DIAPH2: variants seen among roughly 807,000 people sequenced by gnomAD.
DIAPH2 encodes diaphanous related formin 2.
In DIAPH2, 35 loss-of-function variants were observed where a neutral mutation model predicts 92.7. That is an observed-to-expected ratio of 0.38 (90% confidence interval 0.29 to 0.50). The LOEUF is 0.50. DIAPH2 is among the 20% of genes least tolerant of loss of function. The pLI, the probability that DIAPH2 is intolerant of heterozygous loss-of-function variation, is 0.94. For synonymous variants in DIAPH2, 301 were observed against 280.4 expected (o/e 1.07, Z -0.73); for missense variants, 701 against 819.5 (o/e 0.86, Z 1.77).
At chrX:96,772,151 C>T (rs6620161) in intron 4 of DIAPH2, among the ~76,000 whole-genome samples, 18,891 of 110,933 alleles carry the variant, frequency 0.17, 1,472 homozygotes, top group Admixed American at 0.35. Flanking sequence ...TTTATCTGTT[C>T]GGAAAGGACT....
intron 19 of DIAPH2, among the ~76,000 whole-genome samples, chrX:97,097,527 T>C (rs962075358): frequency 2.7e-5 from 3 of 112,082 alleles, no homozygotes; most frequent in African/African-American, 9.7e-5. Context: ...AGGTTACCTA[T>C]AGCTAGGAGA....
At chrX:97,043,633 G>T in intron 17 of DIAPH2, among the ~76,000 whole-genome samples, 1 of 110,432 alleles carries the variant, frequency 9.1e-6, no homozygotes, top group East Asian at 2.8e-4. Context: ...GTATTTTGAG[G>T]GCCATGCAAG....
At chrX:96,832,081 A>G (rs1384436022) in intron 4 of DIAPH2, among the ~76,000 whole-genome samples, 1 of 111,670 alleles carries the variant, frequency 9.0e-6, no homozygotes, top group Non-Finnish European at 1.9e-5. Flanking sequence ...AGAATGTAAT[A>G]ATTGAGAAAA....
intron 14 of DIAPH2, among the ~76,000 whole-genome samples, chrX:96,948,006 A>G (rs1298320338): frequency 9.0e-6 from 1 of 111,479 alleles, no homozygotes; most frequent in Non-Finnish European, 1.9e-5. Flanking sequence ...TTTAACCTCT[A>G]GTTTTTCCTC....
intron 1 of DIAPH2, among the ~76,000 whole-genome samples, chrX:96,691,981 C>T (rs2063800184): frequency 8.9e-6 from 1 of 112,020 alleles, no homozygotes; most frequent in Non-Finnish European, 1.9e-5. Flanking sequence ...TCATAGACAT[C>T]CAGGCTTTAA....
intron 24 of DIAPH2, among the ~76,000 whole-genome samples, chrX:97,356,545 C>T (rs934059923): frequency 8.9e-6 from 1 of 111,880 alleles, no homozygotes. Context: ...ATACCTCATT[C>T]CCCAGCTGTG....
At chrX:96,754,595 GCTGT>G (rs1226237260) in intron 3 of DIAPH2, among the ~76,000 whole-genome samples, 1 of 110,991 alleles carries the variant, frequency 9.0e-6, no homozygotes, top group African/African-American at 3.3e-5. Flanking sequence ...GATGAGTGGG[GCTGT>G]CTGAGGACGT....
At position 96,790,644 on chromosome X, in the gene DIAPH2, GA is replaced by G. The variant is rs1459427811; in HGVS notation, c.447+32394del. Among the ~76,000 whole-genome samples, 8 of 110,532 alleles carry G rather than the reference GA, an allele frequency of 7.2e-5. No individual in the cohort carries two copies. The East Asian group carries it at 1.1e-3, about 16-fold the overall frequency. On this transcript the variant is annotated intron_variant, in intron 4 of 26. Coordinates refer to ENST00000324765, the MANE Select transcript of DIAPH2 (RefSeq NM_006729.5). ...GTCTTCATTTTTGCAAATAAAGAGGGAAAAAAAATCCTATGTATCTTAGAGA... is the reference window on the plus strand; with the variant it reads ...GTCTTCATTTTTGCAAATAAAGAGGGAAAAAAATCCTATGTATCTTAGAGA...
At chrX:96,776,949 A>C (rs1336454898) in intron 4 of DIAPH2, among the ~76,000 whole-genome samples, 1 of 112,218 alleles carries the variant, frequency 8.9e-6, no homozygotes, top group Admixed American at 9.5e-5. Flanking sequence ...ATCGTTTGTC[A>C]GCTGTGTAGT....
chrX:96,831,828 G>A (rs185167503), intron 4 of DIAPH2, among the ~76,000 whole-genome samples: 32 of 111,194 alleles, frequency 2.9e-4, no homozygotes, highest in African/African-American at 9.5e-4. Context: ...TGTCAGTGAG[G>A]GTCTCTGTCT....
Position 97,599,390 on chromosome X carries a change from C to A in DIAPH2, c.*73C>A. ...TGCATTTTGAGAAGAACAAAGTGTG[C>A]ACTCAGCGGCTGGAAAGGAAATAAG... On this transcript the variant is annotated 3_prime_UTR_variant, in exon 27 of 27. Transcript: ENST00000324765. The A allele has an allele frequency of 1.4e-6, 1 of 722,945 alleles. No homozygotes were observed. Among genetic ancestry groups the A allele is most frequent in the Non-Finnish European group, 2.0e-6 (1 of 489,670 alleles). 59.6% of individuals were successfully genotyped at this position (722,945 alleles called of 1,213,427 possible).
intron 19 of DIAPH2, among the ~76,000 whole-genome samples, chrX:97,090,298 C>CTT (rs760073834): frequency 0.066 from 2,562 of 38,835 alleles, 843 homozygotes; most frequent in Non-Finnish European, 0.096. Context: ...TCTCTGATCC[C>CTT]TTTTTTTTTT....
At chrX:96,906,998 G>T (rs1353217702) in intron 5 of DIAPH2, among the ~76,000 whole-genome samples, 1 of 111,511 alleles carries the variant, frequency 9.0e-6, no homozygotes, top group Non-Finnish European at 1.9e-5. Context: ...TTTTGTTTGG[G>T]TGGTTCATTT....
At chrX:97,160,863 A>T (rs1444274136) in intron 22 of DIAPH2, among the ~76,000 whole-genome samples, 3 of 111,414 alleles carry the variant, frequency 2.7e-5, no homozygotes, top group Non-Finnish European at 5.6e-5. Context: ...CAAACACTTA[A>T]ATTCCATTGG....
chrX:97,119,287 G>A (rs895818440), intron 21 of DIAPH2, among the ~76,000 whole-genome samples: 1 of 111,219 alleles, frequency 9.0e-6, no homozygotes, highest in Non-Finnish European at 1.9e-5. Context: ...CTATGGATGT[G>A]GCTTCCTGAG....
intron 4 of DIAPH2, among the ~76,000 whole-genome samples, chrX:96,793,945 C>T (rs920593189): frequency 8.9e-6 from 1 of 111,859 alleles, no homozygotes; most frequent in Non-Finnish European, 1.9e-5. Flanking sequence ...ATGTGTTGTT[C>T]ATTTATGTAT....
chrX:97,378,460 T>A (rs1368365361), intron 24 of DIAPH2, among the ~76,000 whole-genome samples: 1 of 108,576 alleles, frequency 9.2e-6, no homozygotes, highest in African/African-American at 3.4e-5. Flanking sequence ...GGCAGGAGGA[T>A]CACTTGACTT....
intron 24 of DIAPH2, among the ~76,000 whole-genome samples, chrX:97,373,346 TGTAGAGAC>T (rs905876246): frequency 9.1e-6 from 1 of 110,295 alleles, no homozygotes; most frequent in African/African-American, 3.3e-5. Context: ...GGGAACTATG[TGTAGAGAC>T]GTTCTCGGTA....
chrX:97,233,949 A>G (rs1209067639), intron 22 of DIAPH2, among the ~76,000 whole-genome samples: 1 of 111,164 alleles, frequency 9.0e-6, no homozygotes. Flanking sequence ...TCCACATTAT[A>G]GAATTCACAA....
Sources: gnomAD v4.1 joint callset for allele counts (sites outside exome capture counted in the v4.1 genomes callset) on GRCh38, gnomAD v4.1.1 for gene constraint, MANE v1.5 for transcripts, NCBI Gene and HGNC (gene_info 2026-07-23, HGNC 2026-07-21) for gene names.